Variants in PRKN observed in about 807,000 individuals in gnomAD.
PRKN encodes the protein E3 ubiquitin-protein ligase parkin.
Under a neutral mutation model 59.5 loss-of-function variants are expected in PRKN, and 56 were observed. The ratio of observed to expected loss-of-function variants is 0.94; its 90% CI spans 0.76 to 1.18. PRKN has a LOEUF of 1.18. PRKN is among the 50% of genes most tolerant of loss of function. PRKN has a pLI of 0.00. For synonymous variants in PRKN, 250 were observed against 222.1 expected, an observed-to-expected ratio of 1.13 and a Z score of -1.12; for missense variants, 657 against 596.4, an observed-to-expected ratio of 1.10 and a Z score of -1.06.
Position 161,593,814 on chromosome 6 carries a change from C to G in PRKN, c.872-24398G>C, listed in dbSNP as rs1781814215. On this transcript the variant is annotated intron_variant, in intron 7 of 11. Coordinates refer to ENST00000366898, the MANE Select transcript of PRKN (RefSeq NM_004562.3). The surrounding 1 kb of genome is among the most constrained non-coding windows in gnomAD (Gnocchi z 4.8). ...TGTTTGGAGAGTAGAGAGTGACACA[C>G]CAAGTCATGATGCTCAGGGGTCAAA... Among the ~76,000 whole-genome samples the G allele has an allele frequency of 6.6e-6, 1 of 152,002 alleles. No homozygotes were observed.
rs544708552 is a variant in PRKN at position 162,623,551 on chromosome 6, T to C, written c.7+104111A>G. ...TCCAATGAGAATAGAGATAAATCAT[T>C]TTCCCAAGGAGAGTTCACCAAAGCT... On this transcript the variant is annotated intron_variant, in intron 1 of 11. Transcript: ENST00000366898. Among the ~76,000 whole-genome samples the C allele has an allele frequency of 5.3e-5, 8 of 152,240 alleles. No homozygotes were observed. The South Asian group carries it at 1.0e-3, about 20-fold the overall frequency.
chr6:162,584,604 T>G (rs1469525162), intron 1 of PRKN, among the ~76,000 whole-genome samples: 6 of 152,050 alleles, frequency 3.9e-5, no homozygotes, highest in Non-Finnish European at 7.4e-5. Context: ...TTGTATATCA[T>G]GATTTTCCAG....
chr6:161,773,208 A>G (rs1228422459), intron 7 of PRKN, among the ~76,000 whole-genome samples: 2 of 152,236 alleles, frequency 1.3e-5, no homozygotes, highest in African/African-American at 4.8e-5. Flanking sequence ...TACAAGTGCT[A>G]TAAGCACTCT....
rs111518732 is a variant in PRKN, at chr6:161,384,274, T to A, written c.1167+2520A>T. On this transcript the variant is annotated intron_variant, in intron 10 of 11. Transcript: ENST00000366898. ...GTTGAATGAATGAAATAATGTCTCA[T>A]GGGGCGCAGTGGCTCACGCCTGTCA... Among the ~76,000 whole-genome samples the A allele has an allele frequency of 9.0e-3, 1,373 of 152,290 alleles. 22 individuals are homozygous for A. The highest frequency in any genetic ancestry group is 0.031 in the African/African-American group (1,282 of 41,548).
intron 2 of PRKN, among the ~76,000 whole-genome samples, chr6:162,437,676 T>C (rs1789844058): frequency 6.6e-6 from 1 of 152,198 alleles, no homozygotes; most frequent in Non-Finnish European, 1.5e-5. Context: ...ATAAAATTAT[T>C]CAGTGTACGA....
Position 161,683,190 on chromosome 6 carries a change from G to T in PRKN, c.871+102582C>A, listed in dbSNP as rs73597170. ...GAGGCAGAAGGGAAGGAAGAAGGAC[G>T]GCTTCCCTGGTGTTGACTCAGCAAT... On this transcript the variant is annotated intron_variant, in intron 7 of 11. Coordinates refer to ENST00000366898, the MANE Select transcript of PRKN (RefSeq NM_004562.3). 3.0e-3 allele frequency among the ~76,000 whole-genome samples: 455 copies of T among 152,230 alleles called. 3 individuals are homozygous for T. Among genetic ancestry groups the T allele is most frequent in the Non-Finnish European group, 4.2e-3 (289 of 68,020 alleles).
intron 1 of PRKN, among the ~76,000 whole-genome samples, chr6:162,601,343 G>A (rs532335561): frequency 3.3e-5 from 5 of 152,194 alleles, no homozygotes; most frequent in African/African-American, 1.2e-4. Flanking sequence ...TTCAAACCAC[G>A]GTAAATGGGT....
intron 7 of PRKN, among the ~76,000 whole-genome samples, chr6:161,690,973 C>CCATCCATCCATT (rs1442915592): frequency 4.0e-5 from 6 of 150,752 alleles, no homozygotes; most frequent in African/African-American, 1.5e-4. Flanking sequence ...ATCCATCCAT[C>CCATCCATCCATT]CATCCATCCA....
At chr6:162,406,091 G>T (rs930129045) in intron 2 of PRKN, among the ~76,000 whole-genome samples, 6 of 152,160 alleles carry the variant, frequency 3.9e-5, no homozygotes, top group African/African-American at 1.4e-4. Flanking sequence ...AATTCACTTT[G>T]ATTAATGACA....
intron 2 of PRKN, among the ~76,000 whole-genome samples, chr6:162,393,152 A>ATTTTTTTTTTTTT (rs1369959830): frequency 2.6e-5 from 2 of 78,106 alleles, no homozygotes; most frequent in East Asian, 7.9e-4. Context: ...AGGATAGGAG[A>ATTTTTTTTTTTTT]TTCTTTTTTT....
At chr6:162,002,118 C>A (rs1782082951) in intron 5 of PRKN, among the ~76,000 whole-genome samples, 1 of 151,906 alleles carries the variant, frequency 6.6e-6, no homozygotes, top group South Asian at 2.1e-4. Context: ...CTGTAGTTTT[C>A]TTTTCTTGCA....
intron 4 of PRKN, among the ~76,000 whole-genome samples, chr6:162,143,816 A>C (rs899807560): frequency 3.9e-5 from 6 of 152,276 alleles, no homozygotes; most frequent in South Asian, 2.1e-4. Flanking sequence ...CATTTGATTC[A>C]AGAAGACAGG....
At chr6:162,245,838 C>T (rs1779172120) in intron 3 of PRKN, among the ~76,000 whole-genome samples, 2 of 152,120 alleles carry the variant, frequency 1.3e-5, no homozygotes, top group Non-Finnish European at 2.9e-5. Flanking sequence ...ACCTGGATGA[C>T]ACAGCTTTAT....
At chr6:162,571,705 C>A (rs1780335812) in intron 1 of PRKN, among the ~76,000 whole-genome samples, 1 of 152,104 alleles carries the variant, frequency 6.6e-6, no homozygotes, top group South Asian at 2.1e-4. Context: ...AGCAAGGTGC[C>A]TGAGCTGGCA....
At chr6:162,699,671 A>C (rs184819395) in intron 1 of PRKN, among the ~76,000 whole-genome samples, 1 of 152,302 alleles carries the variant, frequency 6.6e-6, no homozygotes, top group East Asian at 1.9e-4. Context: ...AGAATGGTGA[A>C]GCCCTTCTTG....
chr6:161,959,476 T>A (rs572139464), intron 6 of PRKN, among the ~76,000 whole-genome samples: 1 of 152,320 alleles, frequency 6.6e-6, no homozygotes, highest in East Asian at 1.9e-4. Context: ...TCTACTAACA[T>A]TTCCAAAGCA....
chr6:162,041,213 A>G (rs884995), intron 5 of PRKN, among the ~76,000 whole-genome samples: 62,571 of 151,918 alleles, frequency 0.41, 13,250 homozygotes, highest in East Asian at 0.75. Context: ...AATGAATACC[A>G]TGGAATTGGA....
intron 4 of PRKN, among the ~76,000 whole-genome samples, chr6:162,129,037 C>T: frequency 6.6e-6 from 1 of 152,124 alleles, no homozygotes; most frequent in East Asian, 1.9e-4. Flanking sequence ...TACACTCAAC[C>T]AACATTTTGA....
rs369089624 is a variant in PRKN, at chr6:162,419,330, G to A, written c.171+23980C>T. ...AAAATAGTTTTGTTTTGATTATATTGCAAAGTGTTCAACTTTATTATAAGA... is the reference window on the plus strand; with the variant it reads ...AAAATAGTTTTGTTTTGATTATATTACAAAGTGTTCAACTTTATTATAAGA... On this transcript the variant is annotated intron_variant, in intron 2 of 11. Coordinates refer to ENST00000366898, the MANE Select transcript of PRKN (RefSeq NM_004562.3). 1.8e-4 allele frequency among the ~76,000 whole-genome samples: 28 copies of A among 152,176 alleles called. No individual in the cohort carries two copies. In the East Asian group the frequency reaches 4.9e-3, roughly 26 times the overall value.
Sources: allele counts gnomAD v4.1 joint callset (sites outside exome capture counted in the v4.1 genomes callset), GRCh38; gene constraint gnomAD v4.1.1; non-coding constraint Gnocchi (gnomAD v3.1); transcripts MANE v1.5; gene names NCBI Gene and HGNC (gene_info 2026-07-23, HGNC 2026-07-21).